Variants in MACROH2A2 observed in about 807,000 individuals in gnomAD.
MACROH2A2 encodes core histone macro-H2A.2.
MACROH2A2 carries 6 observed loss-of-function variants against 37.6 expected under a neutral mutation model. That is an observed-to-expected ratio of 0.16 (90% CI 0.09 to 0.32). MACROH2A2 has a LOEUF of 0.32. Ranked by LOEUF, MACROH2A2 falls within the 10% of genes least tolerant of loss-of-function variation. The pLI is 1.00. For synonymous variants in MACROH2A2, 192 were observed against 202.7 expected (o/e 0.95, Z 0.45); for missense variants, 290 against 485.9 (o/e 0.60, Z 3.79).
chr10:70,103,934 G>A (rs935937742), intron 7 of MACROH2A2, among the ~76,000 whole-genome samples: 3 of 152,342 alleles, frequency 2.0e-5, no homozygotes, highest in African/African-American at 7.2e-5. Context: ...CAGAAGTTGA[G>A]AGGCAGCAAT....
At chr10:70,091,382 G>A (rs531976160) in intron 3 of MACROH2A2, among the ~76,000 whole-genome samples, 5 of 152,198 alleles carry the variant, frequency 3.3e-5, no homozygotes, top group South Asian at 2.1e-4. Context: ...AGTTAGAACC[G>A]TATTAAGTCC....
At chr10:70,105,160 C>T (rs1468047638) in intron 7 of MACROH2A2, among the ~76,000 whole-genome samples, 1 of 152,214 alleles carries the variant, frequency 6.6e-6, no homozygotes, top group Non-Finnish European at 1.5e-5. Flanking sequence ...CTGCCAGTGA[C>T]TGTGGCAGGA....
intron 1 of MACROH2A2, among the ~76,000 whole-genome samples, chr10:70,074,280 G>C (rs2072127604): frequency 6.6e-6 from 1 of 152,124 alleles, no homozygotes; most frequent in East Asian, 1.9e-4. Flanking sequence ...TTAGTTCCTG[G>C]TGCTGAATTC....
At chr10:70,089,457 A>G (rs1198383439) in intron 2 of MACROH2A2, among the ~76,000 whole-genome samples, 2 of 152,226 alleles carry the variant, frequency 1.3e-5, no homozygotes, top group South Asian at 2.1e-4. Context: ...TAGAAAGGAA[A>G]GAAGGGCACA....
rs539385433 is a variant in MACROH2A2 at position 70,103,469 on chromosome 10, A to G, written c.778+3172A>G. On this transcript the variant is annotated intron_variant, in intron 7 of 8. Coordinates refer to ENST00000373255, the MANE Select transcript of MACROH2A2 (RefSeq NM_018649.3). ...GTGATCCTCCTGCCTCAGCCTCCCA[A>G]AATGCTAGGATTACAGGTGGGAGCC... Among the ~76,000 whole-genome samples the G allele has an allele frequency of 2.0e-5, 3 of 152,270 alleles. No individual in the cohort carries two copies. In the South Asian group the frequency reaches 6.2e-4, roughly 32 times the overall value.
intron 6 of MACROH2A2, among the ~76,000 whole-genome samples, 161 bp downstream of exon 6, chr10:70,095,914 C>T (rs536654858): frequency 6.6e-6 from 1 of 152,210 alleles, no homozygotes. Flanking sequence ...GAGAAGCTAA[C>T]TTTGTTTTAA....
intron 1 of MACROH2A2, among the ~76,000 whole-genome samples, chr10:70,070,515 G>A (rs1370816473): frequency 2.6e-5 from 4 of 151,916 alleles, no homozygotes; most frequent in East Asian, 1.9e-4. Flanking sequence ...TTTTTGAGAC[G>A]GAGTTTCGCT....
intron 2 of MACROH2A2, among the ~76,000 whole-genome samples, chr10:70,079,833 T>C (rs894303945): frequency 6.6e-6 from 1 of 152,086 alleles, no homozygotes; most frequent in Non-Finnish European, 1.5e-5. Flanking sequence ...TCAGCTCCAC[T>C]CCATAATGGA....
chr10:70,060,675 C>T (rs1239886983), intron 1 of MACROH2A2, among the ~76,000 whole-genome samples: 1 of 152,266 alleles, frequency 6.6e-6, no homozygotes, highest in African/African-American at 2.4e-5. Context: ...CATCTTGGCT[C>T]AGACAAAGCC....
At chr10:70,076,441 G>A (rs778107052) in intron 2 of MACROH2A2, among the ~76,000 whole-genome samples, 6 of 152,270 alleles carry the variant, frequency 3.9e-5, no homozygotes, top group Middle Eastern at 3.4e-3. Flanking sequence ...TTTACTGAAA[G>A]ATGAGATTTT....
intron 1 of MACROH2A2, among the ~76,000 whole-genome samples, chr10:70,069,406 G>A (rs1357786711): frequency 1.3e-5 from 2 of 152,062 alleles, no homozygotes; most frequent in Admixed American, 6.5e-5. Flanking sequence ...TCCACTCTAC[G>A]AGTAATTATA....
At chr10:70,079,554 C>T (rs1379300643) in intron 2 of MACROH2A2, among the ~76,000 whole-genome samples, 1 of 107,346 alleles carries the variant, frequency 9.3e-6, no homozygotes, top group South Asian at 3.1e-4. Context: ...TGAGGGTTCG[C>T]GCGCGCGCGC....
chr10:70,095,285 G>A (rs560011642), intron 5 of MACROH2A2, among the ~76,000 whole-genome samples: 21 of 151,624 alleles, frequency 1.4e-4, no homozygotes, highest in Middle Eastern at 3.4e-3. Flanking sequence ...GGAGAATGGC[G>A]TGAACCTGGG....
chr10:70,064,352 A>G (rs972868625), intron 1 of MACROH2A2, among the ~76,000 whole-genome samples: 1 of 152,218 alleles, frequency 6.6e-6, no homozygotes, highest in Non-Finnish European at 1.5e-5. Context: ...CCTGGGTGAC[A>G]GAACAAGACT....
chr10:70,089,121 AAGAC>A (rs1344101763), intron 2 of MACROH2A2, among the ~76,000 whole-genome samples: 12 of 152,138 alleles, frequency 7.9e-5, no homozygotes, highest in Non-Finnish European at 1.6e-4. Flanking sequence ...AAAAAAGAAA[AAGAC>A]AGTCTAAGAG....
intron 1 of MACROH2A2, among the ~76,000 whole-genome samples, chr10:70,060,986 A>G (rs999131161): frequency 2.0e-5 from 3 of 152,060 alleles, no homozygotes; most frequent in African/African-American, 4.8e-5. Flanking sequence ...TAAAAAAAAA[A>G]AAAAGAAAAA....
chr10:70,108,228 AAAAT>A (rs1050515127), intron 7 of MACROH2A2, among the ~76,000 whole-genome samples: 1 of 152,154 alleles, frequency 6.6e-6, no homozygotes, highest in African/African-American at 2.4e-5. Context: ...TAAAAATAAA[AAAAT>A]AAAAATAAAA....
At chr10:70,068,377 A>T (rs1257012634) in intron 1 of MACROH2A2, among the ~76,000 whole-genome samples, 1 of 152,224 alleles carries the variant, frequency 6.6e-6, no homozygotes, top group Non-Finnish European at 1.5e-5. Context: ...CAAACAACTT[A>T]ATAAGTATTC....
chr10:70,087,607 G>A (rs2136632940), intron 2 of MACROH2A2, among the ~76,000 whole-genome samples: 1 of 152,264 alleles, frequency 6.6e-6, no homozygotes, highest in Non-Finnish European at 1.5e-5. Context: ...GCACAAGCCT[G>A]CTTATCTAAT....
Sources: allele counts gnomAD v4.1 joint callset (sites outside exome capture counted in the v4.1 genomes callset), GRCh38; gene constraint gnomAD v4.1.1; transcripts MANE v1.5; gene names NCBI Gene and HGNC (gene_info 2026-07-23, HGNC 2026-07-21).